PALM2AKAP2: variants seen among roughly 807,000 people sequenced by gnomAD.
PALM2AKAP2 encodes PALM2 and AKAP2 fusion.
PALM2AKAP2 carries 37 observed loss-of-function variants against 71.5 expected under a neutral mutation model. The observed-to-expected ratio is 0.52, with a 90% CI of 0.40 to 0.68. The LOEUF is 0.68. PALM2AKAP2 is among the 30% of genes least tolerant of loss of function. The pLI is 0.00. For missense variants in PALM2AKAP2, 1,224 were observed against 1,191.8 expected (o/e 1.03, Z -0.40); for synonymous variants, 468 against 478.8 (o/e 0.98, Z 0.29).
At chr9:109,703,377 A>G (rs971766459) in intron 1 of PALM2AKAP2, among the ~76,000 whole-genome samples, 5 of 152,198 alleles carry the variant, frequency 3.3e-5, no homozygotes, top group Non-Finnish European at 7.3e-5. Context: ...TTTTCTATAT[A>G]TAAGATCCTA....
chr9:109,982,580 C>T (rs968421918), intron 6 of PALM2AKAP2, among the ~76,000 whole-genome samples: 2 of 152,086 alleles, frequency 1.3e-5, no homozygotes, highest in African/African-American at 4.8e-5. Context: ...TAATGTACTT[C>T]ATATATTATA....
At chr9:109,843,841 A>G (rs749114670) in intron 1 of PALM2AKAP2, among the ~76,000 whole-genome samples, 6 of 152,314 alleles carry the variant, frequency 3.9e-5, no homozygotes, top group Admixed American at 3.3e-4. Flanking sequence ...GGACGAGGCC[A>G]GCTGGCTGCC....
intron 1 of PALM2AKAP2, among the ~76,000 whole-genome samples, chr9:110,086,260 G>T (rs1834572661): frequency 6.6e-6 from 1 of 152,154 alleles, no homozygotes; most frequent in East Asian, 1.9e-4. Flanking sequence ...TTAATCTAAT[G>T]AAGGTAAAAA....
intron 3 of PALM2AKAP2, among the ~76,000 whole-genome samples, chr9:109,884,673 A>G (rs964221386): frequency 3.9e-5 from 6 of 152,210 alleles, no homozygotes; most frequent in Non-Finnish European, 8.8e-5. Context: ...AAGGCAAAAC[A>G]TTAATCTGTA....
At chr9:109,748,628 C>T (rs1828838510) in intron 1 of PALM2AKAP2, among the ~76,000 whole-genome samples, 1 of 152,192 alleles carries the variant, frequency 6.6e-6, no homozygotes, top group Non-Finnish European at 1.5e-5. Context: ...TGTCATGATG[C>T]TGACAGTTAC....
chr9:110,114,059 C>A (rs1428484616), intron 1 of PALM2AKAP2, among the ~76,000 whole-genome samples: 1 of 152,196 alleles, frequency 6.6e-6, no homozygotes, highest in Non-Finnish European at 1.5e-5. Context: ...CCTAGGGCAG[C>A]TATAACAAAT....
intron 1 of PALM2AKAP2, among the ~76,000 whole-genome samples, chr9:109,768,167 TAGGAGGGCAGGAGGGAGTAA>T: frequency 7.4e-6 from 1 of 134,234 alleles, no homozygotes; most frequent in Non-Finnish European, 1.6e-5. Context: ...GGAAGGAAAG[TAGGAGGGCAGGAGGGAGTAA>T]AGCAGGCAGG....
At chr9:109,763,090 A>G (rs1829083771) in intron 1 of PALM2AKAP2, among the ~76,000 whole-genome samples, 1 of 152,152 alleles carries the variant, frequency 6.6e-6, no homozygotes, top group African/African-American at 2.4e-5. Flanking sequence ...ATAAGTGGAG[A>G]GAGCAAAGGA....
In PALM2AKAP2 at chr9:109,889,411, C is replaced by T. The variant is rs560464109; in HGVS notation, c.257+8730C>T. Among the ~76,000 whole-genome samples the T allele has an allele frequency of 3.7e-4, 57 of 152,330 alleles. No individual in the cohort carries two copies. The Middle Eastern group carries it at 0.014, about 36-fold the overall frequency. On this transcript the variant is annotated intron_variant, in intron 3 of 9. Transcript: ENST00000302798. Reference sequence around the variant, plus strand: ...CCCAAAGCCTGAAAGTGACAGGAAACTCATTTACTTGCAAAATAAAACCCA... The same window carrying T: ...CCCAAAGCCTGAAAGTGACAGGAAATTCATTTACTTGCAAAATAAAACCCA...
intron 1 of PALM2AKAP2, among the ~76,000 whole-genome samples, chr9:109,787,800 A>G (rs1827008576): frequency 6.6e-6 from 1 of 152,236 alleles, no homozygotes; most frequent in Admixed American, 6.5e-5. Context: ...GGCAGTCACA[A>G]CACAATTCCT....
In PALM2AKAP2 at chr9:110,135,164, A is replaced by AAAAAAAAAAAAATATAT; in HGVS notation, c.157-962_157-961insAAAAAAAAAAATATATA. Among the ~76,000 whole-genome samples the AAAAAAAAAAAAATATAT allele has an allele frequency of 3.3e-4, 17 of 51,724 alleles. 2 individuals are homozygous for AAAAAAAAAAAAATATAT. The highest frequency in any genetic ancestry group is 1.1e-3 in the African/African-American group (15 of 13,622). The allele number at this position is 51,724 out of a possible 152,430, so 33.9% of individuals were successfully genotyped here. A position where few individuals can be genotyped will look rare whatever the true frequency, so the allele number is the denominator to read the frequency against. ...AACTCTGTCTCTACAAAAAAAAAAA[A>AAAAAAAAAAAAATATAT]ATATATAAATATATATATATATATA... On this transcript the variant is annotated intron_variant, in intron 1 of 3. Coordinates refer to ENST00000374525, the Ensembl canonical transcript of PALM2AKAP2.
At chr9:109,709,803 G>A (rs7049242) in intron 1 of PALM2AKAP2, among the ~76,000 whole-genome samples, 47,018 of 152,040 alleles carry the variant, frequency 0.31, 7,860 homozygotes, top group African/African-American at 0.44. Context: ...GTTAAAAAAA[G>A]CTGCTCTTCC....
intron 6 of PALM2AKAP2, among the ~76,000 whole-genome samples, chr9:110,010,787 G>A (rs1384387461): frequency 6.7e-6 from 1 of 148,412 alleles, no homozygotes; most frequent in South Asian, 2.1e-4. Context: ...ATCACCTGAG[G>A]TCAAGAGTTC....
chr9:110,027,678 C>T (rs146938891), intron 7 of PALM2AKAP2, among the ~76,000 whole-genome samples: 95 of 152,288 alleles, frequency 6.2e-4, no homozygotes, highest in Middle Eastern at 3.4e-3. Context: ...CTTCTCTACA[C>T]GTAAAACTTG....
rs1241442015 is a variant in PALM2AKAP2 at position 109,957,484 on chromosome 9, G to C, written c.496+25456G>C. On this transcript the variant is annotated intron_variant, in intron 6 of 9. Transcript: ENST00000302798. ...AGCTGTAAACTGGCTCAGCACTAGA[G>C]AAGCAGCAGACATGAGTAGAAAAAG... Among the ~76,000 whole-genome samples, 3 of 152,236 alleles carry C rather than the reference G, an allele frequency of 2.0e-5. No homozygotes were observed. In the South Asian group the frequency reaches 6.2e-4, roughly 32 times the overall value.
intron 1 of PALM2AKAP2, among the ~76,000 whole-genome samples, chr9:109,763,682 C>T (rs898618020): frequency 2.6e-5 from 4 of 152,116 alleles, no homozygotes; most frequent in African/African-American, 9.7e-5. Flanking sequence ...GGGTTGGTTC[C>T]TTCTGGAGGC....
At chr9:109,915,620 T>G (rs1293312588) in intron 3 of PALM2AKAP2, among the ~76,000 whole-genome samples, 1 of 152,178 alleles carries the variant, frequency 6.6e-6, no homozygotes, top group Non-Finnish European at 1.5e-5. Context: ...GCAGATTTTT[T>G]TACTTCATGG....
At chr9:109,854,646 G>A (rs993940602) in intron 1 of PALM2AKAP2, among the ~76,000 whole-genome samples, 1 of 151,170 alleles carries the variant, frequency 6.6e-6, no homozygotes, top group Non-Finnish European at 1.5e-5. Flanking sequence ...GCAGAGGATA[G>A]ATGCTATCCT....
chr9:109,766,209 G>A (rs1829151492), intron 1 of PALM2AKAP2, among the ~76,000 whole-genome samples: 1 of 152,166 alleles, frequency 6.6e-6, no homozygotes, highest in Non-Finnish European at 1.5e-5. Context: ...CCCATAAAAG[G>A]GCCACTTGTG....
Sources: gnomAD v4.1 joint callset for allele counts (sites outside exome capture counted in the v4.1 genomes callset) on GRCh38, gnomAD v4.1.1 for gene constraint, MANE v1.5 for transcripts, NCBI Gene and HGNC (gene_info 2026-07-23, HGNC 2026-07-21) for gene names.